Variants in SGCZ observed in about 807,000 individuals in gnomAD.
The protein encoded by SGCZ is zeta-sarcoglycan.
In SGCZ, 40 loss-of-function variants were observed where a neutral mutation model predicts 41.3. The observed-to-expected ratio is 0.97, with a 90% CI of 0.75 to 1.26. SGCZ has a LOEUF of 1.26. SGCZ is among the 50% of genes most tolerant of loss of function. The pLI, the probability that SGCZ is intolerant of heterozygous loss-of-function variation, is 0.00. For synonymous variants in SGCZ, 206 were observed against 137.5 expected, an observed-to-expected ratio of 1.50 and a Z score of -3.49; for missense variants, 552 against 369.8, an observed-to-expected ratio of 1.49 and a Z score of -4.04.
At chr8:14,558,649 C>A in intron 1 of SGCZ, among the ~76,000 whole-genome samples, 1 of 142,738 alleles carries the variant, frequency 7.0e-6, no homozygotes, top group Admixed American at 7.1e-5. Context: ...CCAGTATCAC[C>A]CTAATACCAA....
chr8:15,120,654 T>C (rs1297696252), intron 1 of SGCZ, among the ~76,000 whole-genome samples: 2 of 152,202 alleles, frequency 1.3e-5, no homozygotes, highest in Non-Finnish European at 2.9e-5. Context: ...AAGGTTCCAT[T>C]ATGCCCCCTG....
chr8:14,613,905 A>C (rs2117348003), intron 1 of SGCZ, among the ~76,000 whole-genome samples: 1 of 152,308 alleles, frequency 6.6e-6, no homozygotes, highest in South Asian at 2.1e-4. Flanking sequence ...AAAAAAAATC[A>C]AAATCTAGCA....
At chr8:15,033,731 C>T (rs1308003506) in intron 1 of SGCZ, among the ~76,000 whole-genome samples, 1 of 151,906 alleles carries the variant, frequency 6.6e-6, no homozygotes, top group East Asian at 2.0e-4. Flanking sequence ...AGGCCAACCC[C>T]AGTCCCAGGA....
intron 1 of SGCZ, among the ~76,000 whole-genome samples, chr8:14,858,843 A>G (rs532694451): frequency 6.6e-6 from 1 of 152,314 alleles, no homozygotes; most frequent in Admixed American, 6.5e-5. Flanking sequence ...ACAAAAAACG[A>G]GTTTTATATC....
intron 1 of SGCZ, among the ~76,000 whole-genome samples, chr8:14,707,454 T>G (rs983925057): frequency 6.6e-6 from 1 of 152,004 alleles, no homozygotes; most frequent in African/African-American, 2.4e-5. Context: ...GCAAAACCAG[T>G]CTTCAAATTT....
intron 4 of SGCZ, among the ~76,000 whole-genome samples, chr8:14,171,001 G>A (rs948865997): frequency 6.6e-6 from 1 of 151,776 alleles, no homozygotes; most frequent in South Asian, 2.1e-4. Context: ...ATTCATTTTG[G>A]CAGTTGTTAA....
chr8:14,992,085 C>T (rs539926002), intron 1 of SGCZ, among the ~76,000 whole-genome samples: 1 of 146,890 alleles, frequency 6.8e-6, no homozygotes, highest in South Asian at 2.2e-4. Flanking sequence ...TCTCACCCAT[C>T]CTCCTCATCC....
intron 2 of SGCZ, among the ~76,000 whole-genome samples, chr8:14,351,032 T>A (rs1217650512): frequency 1.3e-5 from 2 of 152,122 alleles, no homozygotes; most frequent in African/African-American, 4.8e-5. Context: ...CTGTACAACT[T>A]GACTGCTTGT....
At chr8:14,887,395 G>T (rs183553231) in intron 1 of SGCZ, among the ~76,000 whole-genome samples, 140 of 152,132 alleles carry the variant, frequency 9.2e-4, no homozygotes, top group African/African-American at 3.3e-3. Flanking sequence ...TTTTCTGACT[G>T]CATTATCATT....
At chr8:14,571,010 T>C (rs530090818) in intron 1 of SGCZ, among the ~76,000 whole-genome samples, 1 of 152,188 alleles carries the variant, frequency 6.6e-6, no homozygotes, top group African/African-American at 2.4e-5. Flanking sequence ...CCTTGACAGG[T>C]GTATTAGTCA....
chr8:14,416,728 C>A (rs1799503541), intron 2 of SGCZ, among the ~76,000 whole-genome samples: 1 of 151,838 alleles, frequency 6.6e-6, no homozygotes, highest in Admixed American at 6.6e-5. Context: ...GGCAGCAAAT[C>A]TGGCCACTCT....
chr8:14,401,341 G>C (rs13248605), intron 2 of SGCZ, among the ~76,000 whole-genome samples: 35,004 of 149,814 alleles, frequency 0.23, 4,279 homozygotes, highest in Non-Finnish European at 0.29. Flanking sequence ...CATTGTGCAG[G>C]TTAGTTACAT....
At chr8:14,243,246 A>G (rs1798954688) in intron 3 of SGCZ, among the ~76,000 whole-genome samples, 1 of 152,212 alleles carries the variant, frequency 6.6e-6, no homozygotes, top group South Asian at 2.1e-4. Flanking sequence ...GTTTACAAGA[A>G]AAATTTTCTT....
chr8:14,115,979 T>C (rs962620267), intron 5 of SGCZ, among the ~76,000 whole-genome samples: 1 of 152,080 alleles, frequency 6.6e-6, no homozygotes, highest in East Asian at 1.9e-4. Context: ...CATTACCAAA[T>C]GGAATGCACA....
At chr8:14,501,868 C>T (rs535353905) in intron 2 of SGCZ, among the ~76,000 whole-genome samples, 1 of 151,674 alleles carries the variant, frequency 6.6e-6, no homozygotes, top group Non-Finnish European at 1.5e-5. Context: ...ATACATTTGC[C>T]AATATAATAT....
chr8:14,263,882 G>A (rs187299061), intron 3 of SGCZ, among the ~76,000 whole-genome samples: 95 of 152,292 alleles, frequency 6.2e-4, no homozygotes, highest in Admixed American at 3.0e-3. Context: ...CGAGAGGGAA[G>A]TAATTGCAGG....
chr8:14,696,894 GAA>G (rs1808981545), intron 1 of SGCZ, among the ~76,000 whole-genome samples: 7 of 152,106 alleles, frequency 4.6e-5, no homozygotes, highest in African/African-American at 1.7e-4. Context: ...CAGAAGGCAA[GAA>G]GAGGCGAAAT....
chr8:14,814,593 C>T (rs1354855693), intron 1 of SGCZ, among the ~76,000 whole-genome samples: 1 of 152,052 alleles, frequency 6.6e-6, no homozygotes, highest in East Asian at 1.9e-4. Flanking sequence ...TGTTATTTGG[C>T]CCTACTTAAG....
intron 4 of SGCZ, among the ~76,000 whole-genome samples, chr8:14,209,708 C>T (rs922521874): frequency 2.0e-5 from 3 of 151,920 alleles, no homozygotes; most frequent in Non-Finnish European, 4.4e-5. Context: ...ATTTATGTGA[C>T]ATATTTATAG....
Sources: allele counts gnomAD v4.1 joint callset (sites outside exome capture counted in the v4.1 genomes callset), GRCh38; gene constraint gnomAD v4.1.1; transcripts MANE v1.5; gene names NCBI Gene and HGNC (gene_info 2026-07-23, HGNC 2026-07-21).